Variants in ARPP21 observed in about 807,000 individuals in gnomAD.
The protein encoded by ARPP21 is cAMP-regulated phosphoprotein 21.
In ARPP21, 69 loss-of-function variants were observed where a neutral mutation model predicts 113.2. The observed-to-expected ratio is 0.61, with a 90% CI of 0.50 to 0.74. The LOEUF is 0.74. Ranked by LOEUF, ARPP21 falls within the 30% of genes least tolerant of loss-of-function variation. ARPP21 has a pLI of 0.00. For missense variants in ARPP21, 1,070 were observed against 1,037.4 expected, an observed-to-expected ratio of 1.03 and a Z score of -0.43; for synonymous variants, 368 against 375.5, an observed-to-expected ratio of 0.98 and a Z score of 0.23.
intron 1 of ARPP21, among the ~76,000 whole-genome samples, chr3:35,655,286 C>T (rs1704326800): frequency 6.6e-6 from 1 of 151,836 alleles, no homozygotes. Flanking sequence ...TTTGAGATTT[C>T]TTATTATAAA....
At chr3:35,711,790 T>A (rs2091201745) in intron 11 of ARPP21, among the ~76,000 whole-genome samples, 1 of 152,214 alleles carries the variant, frequency 6.6e-6, no homozygotes, top group African/African-American at 2.4e-5. Context: ...TATAGGCTGT[T>A]TGGTGTCTTC....
chr3:35,776,355 G>T (rs1031284067), intron 19 of ARPP21, among the ~76,000 whole-genome samples: 1 of 152,158 alleles, frequency 6.6e-6, no homozygotes, highest in African/African-American at 2.4e-5. Context: ...AGATGTGTTA[G>T]GTACTGAGAA....
chr3:35,704,471 C>T (rs954291015), intron 9 of ARPP21, among the ~76,000 whole-genome samples: 18 of 151,884 alleles, frequency 1.2e-4, no homozygotes, highest in African/African-American at 3.9e-4. Context: ...AGGAAGGCCA[C>T]GATTTTCATT....
At chr3:35,643,589 G>A (rs761473534) in intron 1 of ARPP21, 4 of 152,188 alleles carry the variant, frequency 2.6e-5, no homozygotes, top group African/African-American at 7.2e-5. Flanking sequence ...AGCTACATAA[G>A]TAGAGTGTAG....
intron 1 of ARPP21, among the ~76,000 whole-genome samples, chr3:35,657,043 C>A (rs1705293933): frequency 6.6e-6 from 1 of 152,066 alleles, no homozygotes; most frequent in South Asian, 2.1e-4. Context: ...TTGGAAAAAT[C>A]TGACTGACAT....
chr3:35,684,220 A>G lies in ARPP21; in HGVS notation c.261+405A>G, dbSNP rs1034198686. 1.0e-5 allele frequency: 13 copies of G among 1,300,522 alleles called. No homozygotes were observed. In the African/African-American group the frequency reaches 1.8e-4, roughly 18 times the overall value. 80.6% of individuals were successfully genotyped at this position (1,300,522 alleles called of 1,614,324 possible). A position where few individuals can be genotyped will look rare whatever the true frequency, so the allele number is the denominator to read the frequency against. The stretch of plus-strand genomic sequence containing the variant: ...GCTCCCCAAAATGCACTTGCCTATA[A>G]GAAACACAATTGCTGGTTCATATGA... On this transcript the variant is annotated intron_variant, in intron 5 of 20. Transcript: ENST00000684406.
chr3:35,664,685 G>A (rs1559540480), intron 1 of ARPP21, among the ~76,000 whole-genome samples: 1 of 152,152 alleles, frequency 6.6e-6, no homozygotes, highest in Non-Finnish European at 1.5e-5. Flanking sequence ...AGGTGGCGGC[G>A]GGGGCTGTGG....
rs4025938 is a variant in ARPP21 at position 35,667,948 on chromosome 3, A to AAAGAAG, written c.-212-11760_-212-11755dup. Among the ~76,000 whole-genome samples the AAAGAAG allele has an allele frequency of 7.4e-3, 431 of 58,066 alleles. 23 individuals are homozygous for AAAGAAG. Among genetic ancestry groups the AAAGAAG allele is most frequent in the Admixed American group, 9.3e-3 (43 of 4,612 alleles). 38.1% of individuals were successfully genotyped at this position (58,066 alleles called of 152,430 possible). A position where few individuals can be genotyped will look rare whatever the true frequency, so the allele number is the denominator to read the frequency against. ...GAGGAGGAGGAGAAGGAGAAGAAGA[A>AAAGAAG]AAGAAGAAGAAGAAGAAGAAGAAGA... On this transcript the variant is annotated intron_variant, in intron 1 of 20. Coordinates refer to ENST00000684406, the MANE Select transcript of ARPP21 (RefSeq NM_001385562.1).
chr3:35,737,949 C>T (rs548615653), intron 16 of ARPP21, among the ~76,000 whole-genome samples: 14 of 152,298 alleles, frequency 9.2e-5, no homozygotes, highest in African/African-American at 3.4e-4. Flanking sequence ...TGTTTTGGGG[C>T]AGTATTTTCA....
At chr3:35,656,806 C>T (rs1705173467) in intron 1 of ARPP21, among the ~76,000 whole-genome samples, 1 of 151,904 alleles carries the variant, frequency 6.6e-6, no homozygotes, top group South Asian at 2.1e-4. Flanking sequence ...GTCAAATTTA[C>T]TGTATAATAG....
intron 19 of ARPP21, among the ~76,000 whole-genome samples, chr3:35,754,286 T>A (rs2095501941): frequency 6.6e-6 from 1 of 152,014 alleles, no homozygotes; most frequent in Admixed American, 6.6e-5. Flanking sequence ...TAGGTGTAAC[T>A]AATAACACTA....
At chr3:35,783,362 G>A (rs1389464166) in intron 19 of ARPP21, among the ~76,000 whole-genome samples, 1 of 151,858 alleles carries the variant, frequency 6.6e-6, no homozygotes, top group East Asian at 1.9e-4. Flanking sequence ...TGTATTTATA[G>A]CTAAGGCACT....
At chr3:35,748,322 A>G (rs1460951866) in intron 19 of ARPP21, among the ~76,000 whole-genome samples, 2 of 148,720 alleles carry the variant, frequency 1.3e-5, no homozygotes, top group Admixed American at 1.3e-4. Context: ...AAGAAAGAAA[A>G]AGAAAGAAAG....
At chr3:35,723,883 A>T (rs2093328082) in intron 14 of ARPP21, among the ~76,000 whole-genome samples, 1 of 152,226 alleles carries the variant, frequency 6.6e-6, no homozygotes, top group South Asian at 2.1e-4. Context: ...CTTAAAGAAG[A>T]TCAAGGTAGG....
intron 10 of ARPP21, chr3:35,707,512 G>T: frequency 2.2e-6 from 1 of 459,466 alleles, no homozygotes; most frequent in East Asian, 6.9e-5. Context: ...TGATCAACCG[G>T]TGTAGCTGTA....
chr3:35,660,807 G>A (rs562317129), intron 1 of ARPP21, among the ~76,000 whole-genome samples: 2 of 152,238 alleles, frequency 1.3e-5, no homozygotes, highest in South Asian at 4.1e-4. Context: ...ATGGGAGATA[G>A]TTGTGGGTTT....
At chr3:35,730,534 T>C (rs902018295) in intron 15 of ARPP21, among the ~76,000 whole-genome samples, 1 of 152,224 alleles carries the variant, frequency 6.6e-6, no homozygotes, top group African/African-American at 2.4e-5. Context: ...AATCCCCGGC[T>C]TAGAAAGCTT....
At chr3:35,684,348 T>C (rs548504267) in intron 5 of ARPP21, 1 of 1,042,020 alleles carries the variant, frequency 9.6e-7, no homozygotes, top group Non-Finnish European at 1.2e-6. Flanking sequence ...GAAATGAATC[T>C]GAGCTGATGG....
chr3:35,780,757 C>A (rs1054367094), intron 19 of ARPP21, among the ~76,000 whole-genome samples: 2 of 152,070 alleles, frequency 1.3e-5, no homozygotes, highest in African/African-American at 4.8e-5. Flanking sequence ...AGAATCTAAG[C>A]GTCTGGGCAT....
Sources: gnomAD v4.1 joint callset for allele counts (sites outside exome capture counted in the v4.1 genomes callset) on GRCh38, gnomAD v4.1.1 for gene constraint, MANE v1.5 for transcripts, NCBI Gene and HGNC (gene_info 2026-07-23, HGNC 2026-07-21) for gene names.